PDK3: variants seen among roughly 807,000 people sequenced by gnomAD.
PDK3 encodes pyruvate dehydrogenase kinase, isozyme 3.
PDK3 carries 12 observed loss-of-function variants against 32.0 expected under a neutral mutation model. The ratio of observed to expected loss-of-function variants is 0.37; its 90% CI spans 0.24 to 0.61. The LOEUF (loss-of-function observed/expected upper bound fraction) is 0.61, where lower values mean the gene tolerates loss of function less well. Among genes scored for constraint, PDK3 ranks in the 20% least tolerant of loss-of-function variants. The pLI, the probability that PDK3 is intolerant of heterozygous loss-of-function variation, is 0.65. For synonymous variants in PDK3, 122 were observed against 116.3 expected (o/e 1.05, Z -0.31); for missense variants, 188 against 316.9 (o/e 0.59, Z 3.09).
chrX:24,481,056 T>C (rs2148182809), intron 1 of PDK3, among the ~76,000 whole-genome samples: 1 of 109,488 alleles, frequency 9.1e-6, no homozygotes, highest in South Asian at 3.9e-4. Flanking sequence ...TTTCTTTTTT[T>C]TTTTTTTGAC....
At chrX:24,496,867 C>T (rs111820332) in intron 2 of PDK3, among the ~76,000 whole-genome samples, 9,128 of 97,537 alleles carry the variant, frequency 0.094, 796 homozygotes, top group African/African-American at 0.26. Context: ...CTGCAAGCTC[C>T]GCCTCCTGGG....
chrX:24,480,855 A>G (rs1921235801), intron 1 of PDK3, among the ~76,000 whole-genome samples: 1 of 111,575 alleles, frequency 9.0e-6, no homozygotes, highest in African/African-American at 3.3e-5. Flanking sequence ...AGAAGGATGA[A>G]TCATATAATT....
chrX:24,465,510 T>C lies in PDK3; in HGVS notation c.55T>C (p.Tyr19His). Reference protein sequence around the residue: ...KQPVPKQIERYSRFSPSPLSI... With the variant: ...KQPVPKQIERHSRFSPSPLSI... ...GCCGGTGCCCAAGCAGATCGAGCGC[T>C]ACTCGCGCTTTTCGCCGTCGCCGCT... Residue 19 changes from tyrosine to histidine, a missense_variant, in exon 1 of 11, where the codon TAC (tyrosine) becomes CAC (histidine). Transcript: ENST00000379162. 8.3e-7 allele frequency: 1 copy of C among 1,209,818 alleles called. No homozygotes were observed. Among genetic ancestry groups the C allele is most frequent in the Non-Finnish European group, 1.1e-6 (1 of 893,647 alleles).
At chrX:24,533,280 G>A (rs1251306178) in intron 10 of PDK3, among the ~76,000 whole-genome samples, 5 of 108,853 alleles carry the variant, frequency 4.6e-5, no homozygotes, top group Admixed American at 2.9e-4. Flanking sequence ...GGGATTACAG[G>A]TGTGAGCCAC....
intron 3 of PDK3, among the ~76,000 whole-genome samples, chrX:24,501,020 TA>T (rs1472236290): frequency 1.9e-5 from 2 of 105,595 alleles, no homozygotes; most frequent in African/African-American, 3.5e-5. Context: ...GACGATGGCC[TA>T]ATTTCAGAGT....
chrX:24,479,147 T>C (rs1469562280), intron 1 of PDK3, among the ~76,000 whole-genome samples: 2 of 112,719 alleles, frequency 1.8e-5, no homozygotes, highest in Non-Finnish European at 3.7e-5. Context: ...AGCAGATATT[T>C]CTTAATACCA....
At chrX:24,465,741 G>A (rs1940057755) in intron 1 of PDK3, among the ~76,000 whole-genome samples, 180 bp downstream of exon 1, 1 of 111,486 alleles carries the variant, frequency 9.0e-6, no homozygotes, top group Non-Finnish European at 1.9e-5. Context: ...TGGCCCCCTC[G>A]CACCCAGCCT....
downstream of PDK3, among the ~76,000 whole-genome samples, chrX:24,537,644 T>C (rs1290270868): frequency 8.9e-6 from 1 of 111,806 alleles, no homozygotes; most frequent in African/African-American, 3.3e-5. Context: ...TATTTCTTAT[T>C]ATCCTGAAAA....
chrX:24,508,099 A>G (rs1432395641), intron 5 of PDK3, among the ~76,000 whole-genome samples: 1 of 112,132 alleles, frequency 8.9e-6, no homozygotes, highest in Admixed American at 9.5e-5. Context: ...ATTGACTCAC[A>G]GTTCTGCAGG....
chrX:24,527,288 A>G (rs1428955105), intron 7 of PDK3, among the ~76,000 whole-genome samples: 1 of 81,507 alleles, frequency 1.2e-5, no homozygotes, highest in East Asian at 3.2e-4. Flanking sequence ...TAAATACCGT[A>G]AAGCGAAAAA....
chrX:24,492,799 G>T (rs1921599673), intron 1 of PDK3, among the ~76,000 whole-genome samples: 2 of 110,330 alleles, frequency 1.8e-5, no homozygotes, highest in Non-Finnish European at 3.8e-5. Context: ...AGGAGATGGA[G>T]ACCATCCTGG....
At chrX:24,499,955 A>G (rs1467294312) in intron 3 of PDK3, among the ~76,000 whole-genome samples, 2 of 112,277 alleles carry the variant, frequency 1.8e-5, no homozygotes, top group Non-Finnish European at 3.8e-5. Context: ...TTTCCTTGAT[A>G]TAAGCCACTG....
rs184812868 is a variant in PDK3 at position 24,501,925 on chromosome X, A to G, written c.321-1402A>G. ...GTTTTGATTTGCTTTTCTTATTTGT[A>G]AGGGTGACGTTATTGGCATTTGTGC... On this transcript the variant is annotated intron_variant, in intron 3 of 10. Transcript: ENST00000379162. Among the ~76,000 whole-genome samples the G allele has an allele frequency of 7.1e-5, 8 of 112,335 alleles. No homozygotes were observed. The Admixed American group carries it at 7.5e-4, about 11-fold the overall frequency.
Position 24,486,784 on chromosome X carries a change from C to T in PDK3, c.107-7958C>T, listed in dbSNP as rs978681474. Among the ~76,000 whole-genome samples, 3 of 111,254 alleles carry T rather than the reference C, an allele frequency of 2.7e-5. No individual in the cohort carries two copies. In the Admixed American group the frequency reaches 2.9e-4, roughly 11 times the overall value. ...TAGCTGGAACTATAGTCACGCACCA[C>T]CATGCCCAGATGATTTTTTATTTTT... On this transcript the variant is annotated intron_variant, in intron 1 of 10. Coordinates refer to ENST00000379162, the MANE Select transcript of PDK3 (RefSeq NM_005391.5).
At position 24,500,449 on chromosome X, in the gene PDK3, A is replaced by G. The variant is rs1921827325; in HGVS notation, c.320+1549A>G. 3.6e-5 allele frequency among the ~76,000 whole-genome samples: 4 copies of G among 111,764 alleles called. No homozygotes were observed. The South Asian group carries it at 1.5e-3, about 42-fold the overall frequency. On this transcript the variant is annotated intron_variant, in intron 3 of 10. Transcript: ENST00000379162. ...GAGAGACGACTATACACGATGTTAA[A>G]TTTCTGCTGTGTTTTTCCCGGAGTC...
intron 1 of PDK3, among the ~76,000 whole-genome samples, chrX:24,469,962 T>A: frequency 8.9e-6 from 1 of 111,881 alleles, no homozygotes. Context: ...ATGAATCCCA[T>A]ATACAGTACA....
intron 5 of PDK3, 82 bp from the exon 6 acceptor site, chrX:24,518,851 A>G (rs1922324125): frequency 6.4e-6 from 3 of 467,981 alleles, no homozygotes; most frequent in East Asian, 3.8e-5. Context: ...ACACACACAC[A>G]CACACACACA....
chrX:24,535,279 T>G (rs1416793223), downstream of PDK3, among the ~76,000 whole-genome samples: 1 of 110,614 alleles, frequency 9.0e-6, no homozygotes, highest in African/African-American at 3.3e-5. Context: ...CCGAGGTGGG[T>G]GGATCACTTG....
At position 24,533,961 on chromosome X, in the gene PDK3, A is replaced by G; in HGVS notation, c.1110A>G (p.Pro370=). The change falls in exon 11 of 11, where the codon CCA becomes CCG. Residue 370 remains proline (P), a synonymous_variant. Coordinates refer to ENST00000379162, the MANE Select transcript of PDK3 (RefSeq NM_005391.5). The part of the protein sequence containing the change: ...ALSSESFERL[P]VFNKSAWRHY... ...CAAGTGAGTCATTTGAGAGACTTCCAGTTTTTAATAAGTCCGCATGGCGCC... is the reference window on the plus strand; with the variant it reads ...CAAGTGAGTCATTTGAGAGACTTCCGGTTTTTAATAAGTCCGCATGGCGCC... 8.3e-7 allele frequency: 1 copy of G among 1,207,626 alleles called. No individual in the cohort carries two copies. The highest frequency in any genetic ancestry group is 1.8e-5 in the South Asian group (1 of 56,252).
Sources: allele counts gnomAD v4.1 joint callset (sites outside exome capture counted in the v4.1 genomes callset), GRCh38; gene constraint gnomAD v4.1.1; transcripts MANE v1.5; gene names NCBI Gene and HGNC (gene_info 2026-07-23, HGNC 2026-07-21).